Variants in GALNTL6 observed in about 807,000 individuals in gnomAD.
GALNTL6 encodes the protein polypeptide N-acetylgalactosaminyltransferase-like 6.
A neutral mutation model predicts 73.7 loss-of-function variants in GALNTL6; 46 were observed. The ratio of observed to expected loss-of-function variants is 0.62; its 90% CI spans 0.49 to 0.80. GALNTL6 has a LOEUF of 0.80. Among genes scored for constraint, GALNTL6 ranks in the 30% least tolerant of loss-of-function variants. The pLI, the probability that GALNTL6 is intolerant of heterozygous loss-of-function variation, is 0.00. For missense variants in GALNTL6, 604 were observed against 755.0 expected (o/e 0.80, Z 2.34); for synonymous variants, 259 against 263.7 (o/e 0.98, Z 0.17).
chr4:173,025,608 G>A (rs1753200615), intron 12 of GALNTL6, among the ~76,000 whole-genome samples: 1 of 152,140 alleles, frequency 6.6e-6, no homozygotes, highest in South Asian at 2.1e-4. Context: ...TGAAGCCAGA[G>A]GGAGATTTCA....
intron 5 of GALNTL6, among the ~76,000 whole-genome samples, chr4:172,552,733 C>T (rs1405005374): frequency 7.3e-6 from 1 of 137,382 alleles, no homozygotes; most frequent in Non-Finnish European, 1.5e-5. Context: ...ATGTTAAAAG[C>T]GTTTTTTTTT....
At chr4:172,485,836 TG>T (rs746241384) in intron 5 of GALNTL6, among the ~76,000 whole-genome samples, 14 of 152,166 alleles carry the variant, frequency 9.2e-5, no homozygotes, top group Non-Finnish European at 2.1e-4. Context: ...TGGTTCTAAA[TG>T]TTTTTATGTT....
intron 5 of GALNTL6, among the ~76,000 whole-genome samples, chr4:172,516,740 A>G (rs1734620023): frequency 6.6e-6 from 1 of 152,214 alleles, no homozygotes; most frequent in Admixed American, 6.5e-5. Context: ...ATCCATGTTT[A>G]TAGCATCATT....
intron 2 of GALNTL6, among the ~76,000 whole-genome samples, chr4:172,146,235 A>C (rs140165394): frequency 1.6e-3 from 246 of 152,346 alleles, no homozygotes; most frequent in African/African-American, 5.3e-3. Context: ...GCCGCCCTTC[A>C]GTAGTATCCT....
chr4:172,380,091 G>A (rs915816079), intron 5 of GALNTL6: 5 of 977,556 alleles, frequency 5.1e-6, no homozygotes, highest in East Asian at 2.4e-5. Flanking sequence ...CTTGGGCTTC[G>A]TTGGTGTTTC....
In GALNTL6 at chr4:172,027,983, C is replaced by T. The variant is rs148615408; in HGVS notation, c.139-201673C>T. On this transcript the variant is annotated intron_variant, in intron 2 of 12. Transcript: ENST00000506823. ...CCTAACAGAAAAGTGCAAAGTATAG[C>T]GGGAAGGGCTGATGTAGAAGCTATA... 5.2e-3 allele frequency among the ~76,000 whole-genome samples: 793 copies of T among 152,006 alleles called. 8 individuals are homozygous for T. The highest frequency in any genetic ancestry group is 0.03 in the East Asian group (156 of 5,152).
intron 10 of GALNTL6, among the ~76,000 whole-genome samples, chr4:172,968,431 G>T (rs1014096679): frequency 1.3e-5 from 2 of 152,096 alleles, no homozygotes; most frequent in African/African-American, 2.4e-5. Flanking sequence ...CCATGCTAAC[G>T]CAGAGTTACC....
At chr4:172,327,729 C>T (rs1740991987) in intron 4 of GALNTL6, among the ~76,000 whole-genome samples, 1 of 151,898 alleles carries the variant, frequency 6.6e-6, no homozygotes, top group Non-Finnish European at 1.5e-5. Flanking sequence ...TTTTTTTCCC[C>T]ATTTTATTTT....
At chr4:172,031,831 A>G (rs1297986513) in intron 2 of GALNTL6, among the ~76,000 whole-genome samples, 1 of 152,036 alleles carries the variant, frequency 6.6e-6, no homozygotes, top group Non-Finnish European at 1.5e-5. Context: ...ATTTATATAT[A>G]AAGTACCACA....
chr4:172,347,388 A>G (rs1741786768), intron 4 of GALNTL6, among the ~76,000 whole-genome samples: 2 of 152,208 alleles, frequency 1.3e-5, no homozygotes, highest in African/African-American at 2.4e-5. Context: ...TTAAAAAACA[A>G]TTGGCTTCAT....
chr4:172,106,869 T>TTTTG (rs200574984), intron 2 of GALNTL6, among the ~76,000 whole-genome samples: 1 of 152,034 alleles, frequency 6.6e-6, no homozygotes, highest in Non-Finnish European at 1.5e-5. Context: ...CATTTTGTGT[T>TTTTG]TTTGTTTGTT....
intron 8 of GALNTL6, among the ~76,000 whole-genome samples, chr4:172,904,573 T>C (rs975455912): frequency 1.3e-5 from 2 of 152,176 alleles, no homozygotes; most frequent in Non-Finnish European, 2.9e-5. Flanking sequence ...CCTGTGTGCT[T>C]CAGTGATGAG....
rs1264095734 is a variant in GALNTL6, at chr4:172,363,755, A to AATTT, written c.553+15082_553+15085dup. Among the ~76,000 whole-genome samples, 4 of 152,274 alleles carry AATTT rather than the reference A, an allele frequency of 2.6e-5. No individual in the cohort carries two copies. In the South Asian group the frequency reaches 6.2e-4, roughly 24 times the overall value. ...CCATTTGCTCATCCCTGGAAATAGA[A>AATTT]ATTTATTTATTTATTTATTGAGAAT... On this transcript the variant is annotated intron_variant, in intron 5 of 12. Transcript: ENST00000506823.
intron 3 of GALNTL6, among the ~76,000 whole-genome samples, chr4:172,261,287 G>C (rs1738249479): frequency 6.6e-6 from 1 of 151,234 alleles, no homozygotes; most frequent in East Asian, 1.9e-4. Context: ...CTCACTACTT[G>C]TTATAGGTCT....
chr4:171,841,051 G>T (rs1735227061), intron 2 of GALNTL6, among the ~76,000 whole-genome samples: 1 of 152,164 alleles, frequency 6.6e-6, no homozygotes, highest in Non-Finnish European at 1.5e-5. Context: ...TCCGGTACTT[G>T]TACCAAGGGT....
At position 172,383,972 on chromosome 4, in the gene GALNTL6, A is replaced by AGTAT. The variant is rs558963392; in HGVS notation, c.553+35284_553+35287dup. 2.7e-4 allele frequency among the ~76,000 whole-genome samples: 41 copies of AGTAT among 152,236 alleles called. 1 individual carries two copies. In the South Asian group the frequency reaches 8.5e-3, roughly 32 times the overall value. ...TAGTGTAGTAACCACTAGTTAATGG[A>AGTAT]GTATAATTCATTTAATATGGGTCTG... is the stretch of plus-strand genomic sequence containing the variant. On this transcript the variant is annotated intron_variant, in intron 5 of 12. Coordinates refer to ENST00000506823, the MANE Select transcript of GALNTL6 (RefSeq NM_001034845.3).
intron 3 of GALNTL6, among the ~76,000 whole-genome samples, chr4:172,273,005 G>T (rs1294541592): frequency 9.2e-5 from 14 of 151,844 alleles, no homozygotes; most frequent in Non-Finnish European, 1.3e-4. Context: ...CACTTTTTAG[G>T]AACACAGAAT....
intron 2 of GALNTL6, among the ~76,000 whole-genome samples, chr4:171,931,902 GT>G (rs1406023158): frequency 4.6e-5 from 7 of 152,040 alleles, no homozygotes; most frequent in African/African-American, 1.7e-4. Context: ...AATGAAATTT[GT>G]TTTCAAAAAA....
intron 10 of GALNTL6, among the ~76,000 whole-genome samples, chr4:172,977,099 T>C (rs533071054): frequency 6.6e-6 from 1 of 152,216 alleles, no homozygotes; most frequent in Non-Finnish European, 1.5e-5. Flanking sequence ...ATTCTCTCCA[T>C]GTAAGCAGAT....
Sources: gnomAD v4.1 joint callset for allele counts (sites outside exome capture counted in the v4.1 genomes callset) on GRCh38, gnomAD v4.1.1 for gene constraint, MANE v1.5 for transcripts, NCBI Gene and HGNC (gene_info 2026-07-23, HGNC 2026-07-21) for gene names.